Variants in DGKB observed in about 807,000 individuals in gnomAD.
The protein encoded by DGKB is 90 kDa diacylglycerol kinase.
In DGKB, 67 loss-of-function variants were observed where a neutral mutation model predicts 114.3. The ratio of observed to expected loss-of-function variants is 0.59; its 90% confidence interval spans 0.48 to 0.72. DGKB has a LOEUF of 0.72. Ranked by LOEUF, DGKB falls within the 30% of genes least tolerant of loss-of-function variation. DGKB has a pLI of 0.00. For synonymous variants in DGKB, 398 were observed against 323.1 expected, an observed-to-expected ratio of 1.23 and a Z score of -2.49; for missense variants, 907 against 975.2, an observed-to-expected ratio of 0.93 and a Z score of 0.93.
chr7:14,518,142 T>C (rs1789151754), intron 20 of DGKB, among the ~76,000 whole-genome samples: 1 of 152,104 alleles, frequency 6.6e-6, no homozygotes, highest in Non-Finnish European at 1.5e-5. Context: ...TAAAAAAGAA[T>C]GGGATTATGT....
chr7:14,356,307 G>C (rs1203065479), intron 21 of DGKB, among the ~76,000 whole-genome samples: 2 of 145,044 alleles, frequency 1.4e-5, no homozygotes, highest in African/African-American at 5.1e-5. Flanking sequence ...GTTGTTTCTT[G>C]CCTTCTGTTA....
intron 8 of DGKB, among the ~76,000 whole-genome samples, chr7:14,697,780 A>AAGAAAG (rs1563943572): frequency 6.1e-4 from 84 of 136,670 alleles, no homozygotes; most frequent in African/African-American, 1.9e-3. Flanking sequence ...AACAAAGAGA[A>AAGAAAG]AGAAAGAAAG....
intron 13 of DGKB, among the ~76,000 whole-genome samples, chr7:14,664,019 A>C (rs1300048511): frequency 5.9e-5 from 9 of 151,952 alleles, no homozygotes; most frequent in Non-Finnish European, 1.3e-4. Context: ...AGGTTCATGA[A>C]ATCTAATAGT....
At chr7:14,825,858 T>G (rs966975866) in intron 2 of DGKB, among the ~76,000 whole-genome samples, 1 of 152,166 alleles carries the variant, frequency 6.6e-6, no homozygotes, top group South Asian at 2.1e-4. Flanking sequence ...AGCTCTTACC[T>G]CTGTATTATA....
At chr7:14,161,324 A>G (rs748027676) in intron 25 of DGKB, among the ~76,000 whole-genome samples, 4 of 152,214 alleles carry the variant, frequency 2.6e-5, no homozygotes, top group Non-Finnish European at 4.4e-5. Context: ...TATATACCCA[A>G]AGGATTATAA....
At chr7:14,836,077 AG>A (rs1027053140) in intron 2 of DGKB, among the ~76,000 whole-genome samples, 3 of 152,178 alleles carry the variant, frequency 2.0e-5, no homozygotes, top group African/African-American at 7.2e-5. Flanking sequence ...AGGCTCAGGT[AG>A]TTTATGTTAC....
intron 20 of DGKB, among the ~76,000 whole-genome samples, chr7:14,517,654 CATGA>C (rs1318703038): frequency 1.3e-5 from 2 of 151,796 alleles, no homozygotes; most frequent in African/African-American, 4.8e-5. Context: ...GGGCAAAAAA[CATGA>C]ATGGACACTG....
At chr7:14,221,253 G>T (rs2128323414) in intron 23 of DGKB, among the ~76,000 whole-genome samples, 1 of 151,216 alleles carries the variant, frequency 6.6e-6, no homozygotes, top group African/African-American at 2.4e-5. Context: ...GGATATCCAT[G>T]ACTTATTTCT....
intron 23 of DGKB, among the ~76,000 whole-genome samples, chr7:14,337,926 T>G (rs1810967682): frequency 6.6e-6 from 1 of 152,144 alleles, no homozygotes; most frequent in South Asian, 2.1e-4. Flanking sequence ...TTCTGACCCA[T>G]AGTTAGTCTA....
chr7:14,658,256 T>C (rs1377274898), intron 13 of DGKB, among the ~76,000 whole-genome samples: 1 of 151,990 alleles, frequency 6.6e-6, no homozygotes, highest in Non-Finnish European at 1.5e-5. Flanking sequence ...GGGACCATTT[T>C]AAGTTTCAGC....
rs115288979 is a variant in DGKB, at chr7:14,608,350, C to T, written c.1359-842G>A. On this transcript the variant is annotated intron_variant, in intron 16 of 25. Coordinates refer to ENST00000402815, the MANE Select transcript of DGKB (RefSeq NM_001350709.2). ...AAAAGCCAAATCCATATAATTATCT[C>T]AATAGATGCAGAAAAAGCATTTAAT... is the stretch of plus-strand genomic sequence containing the variant. 1.5e-3 allele frequency among the ~76,000 whole-genome samples: 222 copies of T among 151,948 alleles called. 1 individual carries two copies. Among genetic ancestry groups the T allele is most frequent in the African/African-American group, 5.0e-3 (206 of 41,484 alleles).
rs532510486 is a variant in DGKB, at chr7:14,638,387, A to G, written c.1135-8119T>C. 5.9e-5 allele frequency among the ~76,000 whole-genome samples: 9 copies of G among 152,284 alleles called. No homozygotes were observed. In the East Asian group the frequency reaches 1.5e-3, roughly 26 times the overall value. On this transcript the variant is annotated intron_variant, in intron 13 of 25. Coordinates refer to ENST00000402815, the MANE Select transcript of DGKB (RefSeq NM_001350709.2). ...AAAATGATTTAATTATGAGTTACCA[A>G]TGATTTTTTAAAACCAAGCCTCCTT...
intron 3 of DGKB, 98 bp downstream of exon 3, chr7:14,757,555 TAC>T (rs74352324): frequency 2.3e-3 from 1,457 of 636,046 alleles, no homozygotes; most frequent in South Asian, 2.8e-3. Flanking sequence ...TACATATACA[TAC>T]ACACACACAC....
intron 21 of DGKB, among the ~76,000 whole-genome samples, chr7:14,347,498 C>G (rs1812680728): frequency 6.6e-6 from 1 of 151,964 alleles, no homozygotes; most frequent in African/African-American, 2.4e-5. Flanking sequence ...GGACCTTATG[C>G]TAAGTGAAGG....
intron 1 of DGKB, among the ~76,000 whole-genome samples, chr7:14,969,164 T>C (rs968842408): frequency 6.6e-6 from 1 of 152,198 alleles, no homozygotes; most frequent in Middle Eastern, 3.2e-3. Context: ...CAGTTTTTCT[T>C]AAGATTTCTA....
chr7:14,154,083 C>T (rs578234304), intron 25 of DGKB, among the ~76,000 whole-genome samples: 2 of 150,356 alleles, frequency 1.3e-5, no homozygotes, highest in Admixed American at 1.3e-4. Context: ...GACAGATTTG[C>T]AAGAGAGCTA....
chr7:14,834,627 G>A (rs1230090224), intron 2 of DGKB, among the ~76,000 whole-genome samples: 2 of 152,146 alleles, frequency 1.3e-5, no homozygotes, highest in East Asian at 3.9e-4. Context: ...TGTAGACAAT[G>A]TGAGATGAAA....
At chr7:14,532,157 G>C (rs1444273428) in intron 20 of DGKB, among the ~76,000 whole-genome samples, 8 of 150,628 alleles carry the variant, frequency 5.3e-5, no homozygotes, top group African/African-American at 1.7e-4. Flanking sequence ...TAGGGAAAAT[G>C]TTCCCAGATA....
chr7:14,433,013 T>A (rs1298688247), intron 21 of DGKB, among the ~76,000 whole-genome samples: 1 of 152,132 alleles, frequency 6.6e-6, no homozygotes, highest in African/African-American at 2.4e-5. Flanking sequence ...GCTTTGGTGA[T>A]ATTCCCAGAT....
Sources: allele counts gnomAD v4.1 joint callset (sites outside exome capture counted in the v4.1 genomes callset), GRCh38; gene constraint gnomAD v4.1.1; transcripts MANE v1.5; gene names NCBI Gene and HGNC (gene_info 2026-07-23, HGNC 2026-07-21).